Variants in KCNJ16 observed in about 807,000 individuals in gnomAD.
KCNJ16 encodes potassium inwardly rectifying channel subfamily J member 16.
A neutral mutation model predicts 18.5 loss-of-function variants in KCNJ16; 15 were observed. The observed-to-expected ratio is 0.81, with a 90% confidence interval of 0.54 to 1.25. KCNJ16 has a LOEUF of 1.25. KCNJ16 is among the 50% of genes most tolerant of loss of function. The pLI, the probability that KCNJ16 is intolerant of heterozygous loss-of-function variation, is 0.00. For synonymous variants in KCNJ16, 174 were observed against 186.5 expected, an observed-to-expected ratio of 0.93 and a Z score of 0.55; for missense variants, 523 against 525.7, an observed-to-expected ratio of 0.99 and a Z score of 0.05.
chr17:70,130,071 C>T (rs2074004788), intron 2 of KCNJ16, among the ~76,000 whole-genome samples: 1 of 152,074 alleles, frequency 6.6e-6, no homozygotes, highest in Admixed American at 6.6e-5. Context: ...ACACATTTAA[C>T]AAGAAAATAA....
At chr17:70,097,055 TG>T (rs2072410416) in intron 1 of KCNJ16, 1 of 386,450 alleles carries the variant, frequency 2.6e-6, no homozygotes, top group Non-Finnish European at 4.6e-6. Flanking sequence ...CACGATATTG[TG>T]TAAGTTTTAT....
chr17:70,123,786 CCA>C (rs1415553992), intron 2 of KCNJ16, among the ~76,000 whole-genome samples: 1 of 152,124 alleles, frequency 6.6e-6, no homozygotes, highest in African/African-American at 2.4e-5. Flanking sequence ...TGCTGTTAGA[CCA>C]CATTCTGGAG....
At chr17:70,129,998 A>G (rs2074003068) in intron 2 of KCNJ16, among the ~76,000 whole-genome samples, 1 of 152,162 alleles carries the variant, frequency 6.6e-6, no homozygotes, top group East Asian at 1.9e-4. Context: ...CGATTTATGA[A>G]CAGTGTTTTC....
chr17:70,125,032 G>A (rs1210144480), intron 2 of KCNJ16, among the ~76,000 whole-genome samples: 2 of 152,058 alleles, frequency 1.3e-5, no homozygotes, highest in African/African-American at 2.4e-5. Context: ...TTGGGAGGCC[G>A]AGGCTGGAGG....
chr17:70,092,559 TGATA>T (rs1204211724), intron 1 of KCNJ16, among the ~76,000 whole-genome samples: 7 of 122,124 alleles, frequency 5.7e-5, no homozygotes, highest in African/African-American at 1.5e-4. Context: ...TATAGATAGA[TGATA>T]GATATAGATA....
chr17:70,123,324 A>G (rs2073724667), intron 2 of KCNJ16, among the ~76,000 whole-genome samples: 1 of 152,226 alleles, frequency 6.6e-6, no homozygotes, highest in Admixed American at 6.5e-5. Flanking sequence ...ATCTGATTTG[A>G]GCAGAAACGA....
At chr17:70,121,409 C>T (rs990357644) in intron 2 of KCNJ16, among the ~76,000 whole-genome samples, 1 of 152,052 alleles carries the variant, frequency 6.6e-6, no homozygotes, top group African/African-American at 2.4e-5. Context: ...CAGATTTGGC[C>T]CTCAGGCTGC....
chr17:70,125,268 TC>T (rs1157561869), intron 2 of KCNJ16, among the ~76,000 whole-genome samples: 1 of 146,686 alleles, frequency 6.8e-6, no homozygotes, highest in African/African-American at 2.7e-5. Flanking sequence ...AGATCCTGTT[TC>T]AAAGAAAAAA....
chr17:70,106,776 G>C (rs2072948543), intron 2 of KCNJ16, among the ~76,000 whole-genome samples: 1 of 152,174 alleles, frequency 6.6e-6, no homozygotes, highest in Admixed American at 6.5e-5. Flanking sequence ...CCATGCAGCT[G>C]AGGTGAGGGA....
At chr17:70,091,460 G>C (rs567586661) in intron 1 of KCNJ16, among the ~76,000 whole-genome samples, 2 of 152,202 alleles carry the variant, frequency 1.3e-5, no homozygotes, top group South Asian at 2.1e-4. Context: ...GCATTTACAG[G>C]GGTCAAAGAA....
intron 1 of KCNJ16, among the ~76,000 whole-genome samples, chr17:70,099,594 G>C (rs1598119400): frequency 6.6e-6 from 1 of 151,966 alleles, no homozygotes; most frequent in African/African-American, 2.4e-5. Context: ...GGAGGAGCTG[G>C]GGCAATAAAT....
At position 70,129,378 on chromosome 17, in the gene KCNJ16, T is replaced by C. The variant is rs1292108266; in HGVS notation, c.-190-1501T>C. On this transcript the variant is annotated intron_variant, in intron 2 of 3. Transcript: ENST00000392671. ...GTAAACAGTTGGGAAAAAGCTCAAA[T>C]TAACACGAAATACTAAATAAGAGAC... Among the ~76,000 whole-genome samples the C allele has an allele frequency of 3.3e-5, 5 of 152,170 alleles. No homozygotes were observed. The South Asian group carries it at 1.0e-3, about 32-fold the overall frequency.
At position 70,109,394 on chromosome 17, in the gene KCNJ16, T is replaced by C. The variant is rs16975148; in HGVS notation, c.-191+8628T>C. 3.5e-3 allele frequency among the ~76,000 whole-genome samples: 530 copies of C among 152,296 alleles called. 3 individuals are homozygous for C. Among genetic ancestry groups the C allele is most frequent in the African/African-American group, 0.012 (512 of 41,568 alleles). On this transcript the variant is annotated intron_variant, in intron 2 of 3. Transcript: ENST00000392671. ...TCTCTGGCTGATAATTGTTATCTGA[T>C]TATCCTCTCTCAGTTTGGAGGTCCT...
chr17:70,118,703 G>T (rs998565927), intron 2 of KCNJ16, among the ~76,000 whole-genome samples: 5 of 151,924 alleles, frequency 3.3e-5, no homozygotes, highest in African/African-American at 4.8e-5. Flanking sequence ...TGAGAGATGC[G>T]CCCCCATGAT....
intron 1 of KCNJ16, among the ~76,000 whole-genome samples, chr17:70,079,471 T>C (rs576530784): frequency 4.6e-5 from 7 of 152,308 alleles, no homozygotes; most frequent in Non-Finnish European, 1.0e-4. Flanking sequence ...CCTAGCCAAG[T>C]TGACATATAA....
chr17:70,129,874 C>T (rs1316858684), intron 2 of KCNJ16, among the ~76,000 whole-genome samples: 2 of 152,002 alleles, frequency 1.3e-5, no homozygotes, highest in Non-Finnish European at 2.9e-5. Flanking sequence ...ATGATGCCAA[C>T]TGAATGCCAT....
Position 70,134,556 on chromosome 17 carries a change from A to G in KCNJ16, c.*1212A>G, listed in dbSNP as rs1431300195. 3 of 167,026 alleles carry G rather than the reference A, an allele frequency of 1.8e-5. No individual in the cohort carries two copies. Among genetic ancestry groups the G allele is most frequent in the Non-Finnish European group, 4.4e-5 (3 of 68,100 alleles). 10.3% of individuals were successfully genotyped at this position (167,026 alleles called of 1,614,324 possible). A position where few individuals can be genotyped will look rare whatever the true frequency, so the allele number is the denominator to read the frequency against. Reference sequence around the variant, plus strand: ...GTTTTAGAACATGAGATAAAGTTGTATACTCTACTTTCATGTTAAAATGTT... The same window carrying G: ...GTTTTAGAACATGAGATAAAGTTGTGTACTCTACTTTCATGTTAAAATGTT... On this transcript the variant is annotated 3_prime_UTR_variant, in exon 4 of 4. Transcript: ENST00000392671.
chr17:70,132,889 C>T lies in KCNJ16; in HGVS notation c.802C>T (p.Arg268Cys), dbSNP rs199780618. Residue 268 changes from arginine (R) to cysteine (C), a missense_variant, in exon 4 of 4, where the codon CGC (arginine) becomes TGC (cysteine). Arg to Cys is a radical substitution (Grantham distance 180, BLOSUM62 -3). Coordinates refer to ENST00000392671, the MANE Select transcript of KCNJ16 (RefSeq NM_170741.4). ...DHESPLYALDRKAVAKDNFEI... is the reference protein window; with the variant it reads ...DHESPLYALDCKAVAKDNFEI... ...TGAGAGCCCTCTGTATGCCCTTGAC[C>T]GCAAAGCAGTAGCCAAAGATAACTT... 198 of 1,614,082 alleles carry T rather than the reference C, an allele frequency of 1.2e-4. No individual in the cohort carries two copies. The highest frequency in any genetic ancestry group is 4.5e-4 in the East Asian group (20 of 44,880).
At chr17:70,090,398 G>A (rs1402502431) in intron 1 of KCNJ16, among the ~76,000 whole-genome samples, 2 of 152,160 alleles carry the variant, frequency 1.3e-5, no homozygotes, top group Non-Finnish European at 2.9e-5. Context: ...TTGGGTAATT[G>A]AGGTCAATGG....
Sources: allele counts gnomAD v4.1 joint callset (sites outside exome capture counted in the v4.1 genomes callset), GRCh38; gene constraint gnomAD v4.1.1; transcripts MANE v1.5; gene names NCBI Gene and HGNC (gene_info 2026-07-23, HGNC 2026-07-21).